The following SCRN1 variants were observed in gnomAD, a reference collection of about 807,000 sequenced individuals.
SCRN1 encodes secernin 1, also known as secernin-1.
In SCRN1, 19 loss-of-function variants were observed where a neutral mutation model predicts 43.3. That is an observed-to-expected ratio of 0.44 (90% CI 0.31 to 0.64). The LOEUF (loss-of-function observed/expected upper bound fraction) is 0.64. SCRN1 is among the 30% of genes least tolerant of loss of function. The pLI is 0.09. For missense variants in SCRN1, 447 were observed against 524.1 expected, an observed-to-expected ratio of 0.85 and a Z score of 1.44; for synonymous variants, 183 against 188.9, an observed-to-expected ratio of 0.97 and a Z score of 0.26.
At chr7:29,978,846 A>G (rs1229438475) in intron 1 of SCRN1, among the ~76,000 whole-genome samples, 1 of 152,214 alleles carries the variant, frequency 6.6e-6, no homozygotes, top group African/African-American at 2.4e-5. Context: ...TGCAAGATAC[A>G]GTCATAATGA....
rs1788482232 is a variant in SCRN1 at position 29,966,143 on chromosome 7, GAGAGAGACCGAGAGAC to G, written c.159+2750_159+2765del. On this transcript the variant is annotated intron_variant, in intron 2 of 7. Coordinates refer to ENST00000242059, the MANE Select transcript of SCRN1 (RefSeq NM_014766.5). ...ACACAGAGAGAGAGAGAGACAGAGA[GAGAGAGACCGAGAGAC>G]AGAGAGAGAGAGAGAGAGAGAGAGA... 3.6e-5 allele frequency among the ~76,000 whole-genome samples: 5 copies of G among 140,086 alleles called. No individual in the cohort carries two copies. The Admixed American group carries it at 3.8e-4, about 11-fold the overall frequency. The allele number at this position is 140,086 out of a possible 152,430, so 91.9% of individuals were successfully genotyped here. A position where few individuals can be genotyped will look rare whatever the true frequency, so the allele number is the denominator to read the frequency against.
chr7:29,922,769 G>A lies in SCRN1; in HGVS notation c.*1188C>T, dbSNP rs187609125. On this transcript the variant is annotated 3_prime_UTR_variant, in exon 8 of 8. Transcript: ENST00000242059. ...GGCCTTGGCAGGAATGGTGGGGCCT[G>A]AACTGGTATCCTGCAGAGAAATGCT... 1 of 152,474 alleles carries A rather than the reference G, an allele frequency of 6.6e-6. No homozygotes were observed. The highest frequency in any genetic ancestry group is 2.4e-5 in the African/African-American group (1 of 41,588). 9.4% of individuals were successfully genotyped at this position (152,474 alleles called of 1,614,324 possible).
intron 2 of SCRN1, 103 bp from the exon 3 acceptor site, chr7:29,955,463 C>A (rs1788105504): frequency 8.7e-7 from 1 of 1,147,994 alleles, no homozygotes. Context: ...ACAAACAGAG[C>A]CAAAAAATAA....
intron 3 of SCRN1, among the ~76,000 whole-genome samples, chr7:29,945,195 C>G (rs1296671591): frequency 6.6e-6 from 1 of 152,168 alleles, no homozygotes; most frequent in Non-Finnish European, 1.5e-5. Flanking sequence ...CTCCCCCTAG[C>G]CTTTCCAATT....
At chr7:29,966,887 G>A (rs995237318) in intron 2 of SCRN1, among the ~76,000 whole-genome samples, 7 of 151,952 alleles carry the variant, frequency 4.6e-5, no homozygotes, top group Non-Finnish European at 8.8e-5. Flanking sequence ...GTTGCTCTTT[G>A]GTGCTGATTA....
intron 4 of SCRN1, among the ~76,000 whole-genome samples, chr7:29,942,138 C>T (rs1457428488): frequency 6.6e-6 from 1 of 152,172 alleles, no homozygotes; most frequent in Non-Finnish European, 1.5e-5. Flanking sequence ...CAGTTTTGGC[C>T]TAAACAAGTG....
At chr7:29,974,970 C>T (rs2014858620) in intron 1 of SCRN1, among the ~76,000 whole-genome samples, 1 of 152,202 alleles carries the variant, frequency 6.6e-6, no homozygotes, top group African/African-American at 2.4e-5. Context: ...GCATGAGCCA[C>T]CGTGCTCAGC....
intron 1 of SCRN1, among the ~76,000 whole-genome samples, chr7:29,988,281 G>A (rs757602228): frequency 5.3e-5 from 8 of 152,330 alleles, no homozygotes; most frequent in African/African-American, 1.9e-4. Context: ...AGCAGCCACA[G>A]AGTCAACTTT....
chr7:29,935,679 C>G (rs1787300429), intron 6 of SCRN1, among the ~76,000 whole-genome samples: 1 of 152,156 alleles, frequency 6.6e-6, no homozygotes, highest in South Asian at 2.1e-4. Context: ...GTTTAGAAAC[C>G]ACTGGATGGC....
At chr7:29,957,833 T>A (rs951647457) in intron 2 of SCRN1, among the ~76,000 whole-genome samples, 2 of 151,886 alleles carry the variant, frequency 1.3e-5, no homozygotes, top group African/African-American at 4.8e-5. Flanking sequence ...ATGTGAAGGG[T>A]CTCTATGGTC....
chr7:29,926,658 G>C (rs1489300792), intron 6 of SCRN1, 26 bp from the exon 7 acceptor site: 5 of 1,602,432 alleles, frequency 3.1e-6, no homozygotes, highest in Non-Finnish European at 4.3e-6. Flanking sequence ...AGGCACTTCA[G>C]CCAGGCAGAG....
chr7:29,953,127 C>T (rs949320837), intron 3 of SCRN1, among the ~76,000 whole-genome samples: 3 of 152,228 alleles, frequency 2.0e-5, no homozygotes, highest in Non-Finnish European at 2.9e-5. Flanking sequence ...AATCTGTGAA[C>T]ATCCCGCAGT....
chr7:29,984,224 A>C (rs1169921016), intron 1 of SCRN1, among the ~76,000 whole-genome samples: 2 of 148,900 alleles, frequency 1.3e-5, no homozygotes, highest in Admixed American at 1.3e-4. Context: ...AAAAAAAAAA[A>C]AGAAATCTGT....
intron 6 of SCRN1, among the ~76,000 whole-genome samples, chr7:29,928,274 G>A (rs1056956953): frequency 1.3e-5 from 2 of 152,202 alleles, no homozygotes; most frequent in Non-Finnish European, 1.5e-5. Flanking sequence ...CTGTCCTGCT[G>A]AATCAGAATC....
chr7:29,956,024 AAC>A (rs1788124876), intron 2 of SCRN1, among the ~76,000 whole-genome samples: 1 of 152,234 alleles, frequency 6.6e-6, no homozygotes, highest in African/African-American at 2.4e-5. Flanking sequence ...AGAACTGCAG[AAC>A]ACACAACTTA....
At chr7:29,986,684 C>T (rs1789165426) in intron 1 of SCRN1, among the ~76,000 whole-genome samples, 1 of 151,420 alleles carries the variant, frequency 6.6e-6, no homozygotes, top group Non-Finnish European at 1.5e-5. Context: ...TCACATTCAT[C>T]CTCTAATGCA....
intron 5 of SCRN1, 102 bp downstream of exon 5, chr7:29,940,580 G>A: frequency 1.8e-6 from 2 of 1,104,658 alleles, no homozygotes; most frequent in Middle Eastern, 2.1e-4. Flanking sequence ...GGACTATTCT[G>A]TATTCCTTTT....
In SCRN1 at chr7:29,929,800, G is replaced by A. The variant is rs546561145; in HGVS notation, c.906-3168C>T. The stretch of plus-strand genomic sequence containing the variant: ...TGAAGCTTGTAAACTTGTGATGCCA[G>A]CTTCAGTAAGCTCATGCTAACCACA... On this transcript the variant is annotated intron_variant, in intron 6 of 7. Transcript: ENST00000242059. Among the ~76,000 whole-genome samples the A allele has an allele frequency of 4.6e-5, 7 of 152,344 alleles. No homozygotes were observed. The South Asian group carries it at 1.2e-3, about 27-fold the overall frequency.
intron 2 of SCRN1, among the ~76,000 whole-genome samples, chr7:29,959,378 T>A (rs1788234657): frequency 6.6e-6 from 1 of 152,170 alleles, no homozygotes. Context: ...TTAATAACTA[T>A]CACTGAGGGT....
Sources: allele counts gnomAD v4.1 joint callset (sites outside exome capture counted in the v4.1 genomes callset), GRCh38; gene constraint gnomAD v4.1.1; transcripts MANE v1.5; gene names NCBI Gene and HGNC (gene_info 2026-07-23, HGNC 2026-07-21).